TWIST2: variants seen among roughly 807,000 people sequenced by gnomAD.
TWIST2 encodes twist family bHLH transcription factor 2, also known as twist-related protein 2.
TWIST2 carries 1 observed loss-of-function variant against 11.6 expected under a neutral mutation model. That is an observed-to-expected ratio of 0.09 (90% confidence interval 0.03 to 0.41). The LOEUF (loss-of-function observed/expected upper bound fraction) is 0.41. Ranked by LOEUF, TWIST2 falls within the 10% of genes least tolerant of loss-of-function variation. The pLI is 0.98. For missense variants in TWIST2, 168 were observed against 226.4 expected (o/e 0.74, Z 1.66); for synonymous variants, 87 against 96.6 (o/e 0.90, Z 0.58).
intron 1 of TWIST2, among the ~76,000 whole-genome samples, chr2:238,894,001 G>A (rs1031167528): frequency 6.6e-6 from 1 of 151,946 alleles, no homozygotes; most frequent in Non-Finnish European, 1.5e-5. Flanking sequence ...CTCTCCCTCC[G>A]CTTGCCCCTA....
intron 1 of TWIST2, among the ~76,000 whole-genome samples, chr2:238,899,751 G>A (rs1164663498): frequency 6.6e-6 from 1 of 152,182 alleles, no homozygotes; most frequent in Non-Finnish European, 1.5e-5. Flanking sequence ...GACTTGATTT[G>A]CTAATGTCTT....
intron 1 of TWIST2, among the ~76,000 whole-genome samples, chr2:238,862,852 T>C (rs539815982): frequency 6.6e-6 from 1 of 152,184 alleles, no homozygotes; most frequent in South Asian, 2.1e-4. Flanking sequence ...AGTCAGCAAA[T>C]GTGTGTTGTA....
chr2:238,857,612 TG>T (rs1470509351), intron 1 of TWIST2, among the ~76,000 whole-genome samples: 3 of 151,686 alleles, frequency 2.0e-5, no homozygotes, highest in Non-Finnish European at 4.4e-5. Context: ...TCCTTCTGCT[TG>T]AATAGCAGAG....
intron 1 of TWIST2, among the ~76,000 whole-genome samples, chr2:238,861,379 A>G (rs374855767): frequency 6.6e-6 from 1 of 152,158 alleles, no homozygotes; most frequent in African/African-American, 2.4e-5. Flanking sequence ...AGGCTCTACC[A>G]TGTCCAGCCT....
At chr2:238,865,379 C>T (rs1049145724) in intron 1 of TWIST2, among the ~76,000 whole-genome samples, 2 of 152,224 alleles carry the variant, frequency 1.3e-5, no homozygotes, top group East Asian at 1.9e-4. Context: ...GGGAGTACCC[C>T]GGAGAGTGAG....
intron 1 of TWIST2, among the ~76,000 whole-genome samples, chr2:238,853,474 AG>A: frequency 6.6e-6 from 1 of 151,712 alleles, no homozygotes; most frequent in African/African-American, 2.4e-5. Context: ...AGAGAGAGAG[AG>A]AGAGAAACTC....
intron 1 of TWIST2, among the ~76,000 whole-genome samples, chr2:238,861,502 A>T (rs1692435204): frequency 6.6e-6 from 1 of 152,090 alleles, no homozygotes; most frequent in African/African-American, 2.4e-5. Flanking sequence ...CACCATCTGG[A>T]TGCTCTGAGG....
At chr2:238,907,119 G>T (rs1411955777) in intron 1 of TWIST2, among the ~76,000 whole-genome samples, 2 of 152,232 alleles carry the variant, frequency 1.3e-5, no homozygotes, top group African/African-American at 4.8e-5. Flanking sequence ...GGGGGCTGCT[G>T]CAGGCTGGCC....
At chr2:238,870,893 A>C in intron 1 of TWIST2, among the ~76,000 whole-genome samples, 2 of 36,604 alleles carry the variant, frequency 5.5e-5, no homozygotes, top group Non-Finnish European at 1.1e-4. Flanking sequence ...CCACATACAC[A>C]CCACATCCCT....
intron 1 of TWIST2, among the ~76,000 whole-genome samples, chr2:238,870,473 ACGC>A (rs1692651870): frequency 1.5e-5 from 2 of 129,370 alleles, no homozygotes; most frequent in Non-Finnish European, 3.2e-5. Flanking sequence ...CACCCGACAC[ACGC>A]CACACACACA....
chr2:238,881,447 GTA>G (rs1692928883), intron 1 of TWIST2, among the ~76,000 whole-genome samples: 1 of 151,558 alleles, frequency 6.6e-6, no homozygotes, highest in African/African-American at 2.4e-5. Flanking sequence ...GTATTTATTA[GTA>G]TTAGTGTTAG....
At chr2:238,882,254 G>T (rs1203836055) in intron 1 of TWIST2, among the ~76,000 whole-genome samples, 1 of 152,198 alleles carries the variant, frequency 6.6e-6, no homozygotes, top group Non-Finnish European at 1.5e-5. Context: ...AGGGTCTGCT[G>T]TCTGCACAGT....
At chr2:238,898,820 C>T (rs1014884553) in intron 1 of TWIST2, among the ~76,000 whole-genome samples, 18 of 152,224 alleles carry the variant, frequency 1.2e-4, no homozygotes, top group African/African-American at 3.6e-4. Flanking sequence ...CAGAGGGTCC[C>T]GGCCCTTGCA....
At chr2:238,861,001 A>G (rs36179428) in intron 1 of TWIST2, among the ~76,000 whole-genome samples, 38,846 of 152,146 alleles carry the variant, frequency 0.26, 5,935 homozygotes, top group Non-Finnish European at 0.35. Flanking sequence ...TCCCAGTCCC[A>G]TTGCTGAGCA....
At chr2:238,885,927 C>T (rs1314111543) in intron 1 of TWIST2, among the ~76,000 whole-genome samples, 2 of 151,882 alleles carry the variant, frequency 1.3e-5, no homozygotes, top group Non-Finnish European at 2.9e-5. Context: ...GAAAACCTAT[C>T]TCTACTAAAA....
intron 1 of TWIST2, among the ~76,000 whole-genome samples, chr2:238,898,623 G>A (rs1356357968): frequency 6.6e-6 from 1 of 152,258 alleles, no homozygotes; most frequent in Non-Finnish European, 1.5e-5. Context: ...TGCCCCGAGG[G>A]GGCTGGCTTT....
intron 1 of TWIST2, among the ~76,000 whole-genome samples, chr2:238,893,760 G>A (rs2106370506): frequency 6.6e-6 from 1 of 152,328 alleles, no homozygotes; most frequent in East Asian, 1.9e-4. Flanking sequence ...TGGCACTTTC[G>A]CTGTCCCACC....
rs139185228 is a variant in TWIST2, at chr2:238,863,492, C to T, written c.*35+14759C>T. On this transcript the variant is annotated intron_variant, in intron 1 of 1. Coordinates refer to ENST00000612363, the MANE Select transcript of TWIST2 (RefSeq NM_001271893.4). The surrounding 1 kb of genome is among the most constrained non-coding windows in gnomAD (Gnocchi z 4.7). ...TGAGGGCTGTGCGGTTTCAGCTCTC[C>T]TGGCTGGCCTTTACCCGCTGGGCAG... 3.7e-3 allele frequency among the ~76,000 whole-genome samples: 566 copies of T among 152,326 alleles called. 2 individuals are homozygous for T. Among genetic ancestry groups the T allele is most frequent in the African/African-American group, 0.013 (531 of 41,578 alleles).
chr2:238,873,300 G>C (rs1179402639), intron 1 of TWIST2, among the ~76,000 whole-genome samples: 1 of 152,156 alleles, frequency 6.6e-6, no homozygotes. Context: ...TGCCATGGGA[G>C]GGGAGGGGAG....
Sources: allele counts gnomAD v4.1 joint callset (sites outside exome capture counted in the v4.1 genomes callset), GRCh38; gene constraint gnomAD v4.1.1; non-coding constraint Gnocchi (gnomAD v3.1); transcripts MANE v1.5; gene names NCBI Gene and HGNC (gene_info 2026-07-23, HGNC 2026-07-21).